POLR3B: variants seen among roughly 807,000 people sequenced by gnomAD.
POLR3B encodes RNA polymerase III subunit B.
In POLR3B, 96 loss-of-function variants were observed where a neutral mutation model predicts 147.4. The observed-to-expected ratio is 0.65, with a 90% CI of 0.55 to 0.77. POLR3B has a LOEUF of 0.77. Ranked by LOEUF, POLR3B falls within the 30% of genes least tolerant of loss-of-function variation. The probability of loss-of-function intolerance (pLI) is 0.00; values close to 1 mark genes in which losing one functional copy is unlikely to be tolerated. For missense variants in POLR3B, 1,036 were observed against 1,413.5 expected (o/e 0.73, Z 4.28); for synonymous variants, 461 against 485.9 (o/e 0.95, Z 0.67).
At chr12:106,478,774 A>G (rs1352147972) in intron 23 of POLR3B, among the ~76,000 whole-genome samples, 1 of 152,126 alleles carries the variant, frequency 6.6e-6, no homozygotes. Flanking sequence ...AAAAGGTCAA[A>G]CAGAACAAGA....
intron 6 of POLR3B, among the ~76,000 whole-genome samples, chr12:106,375,580 A>G (rs1435310689): frequency 2.0e-5 from 3 of 152,190 alleles, no homozygotes; most frequent in African/African-American, 7.2e-5. Context: ...CCCAGTAATT[A>G]TATCTTCAGC....
chr12:106,399,640 T>C (rs2037033592), intron 10 of POLR3B, among the ~76,000 whole-genome samples: 5 of 152,228 alleles, frequency 3.3e-5, no homozygotes, highest in South Asian at 4.1e-4. Context: ...CAGCAGAAAC[T>C]CTACAAGCCA....
chr12:106,434,841 C>T (rs776671914), intron 16 of POLR3B, among the ~76,000 whole-genome samples: 4 of 152,062 alleles, frequency 2.6e-5, no homozygotes, highest in Non-Finnish European at 5.9e-5. Context: ...CTGCCTGTCC[C>T]CATTGGCAGG....
chr12:106,366,315 C>T (rs185437179), intron 2 of POLR3B, among the ~76,000 whole-genome samples: 61 of 152,042 alleles, frequency 4.0e-4, no homozygotes, highest in African/African-American at 6.8e-4. Context: ...GCTAGTAAGA[C>T]GATGCAGAAA....
chr12:106,370,416 G>A (rs376559904), intron 6 of POLR3B, among the ~76,000 whole-genome samples: 2 of 152,076 alleles, frequency 1.3e-5, no homozygotes, highest in East Asian at 3.9e-4. Flanking sequence ...GGGAAGACAG[G>A]CATATGTAAT....
chr12:106,439,517 C>T (rs949956357), intron 18 of POLR3B, among the ~76,000 whole-genome samples: 4 of 151,802 alleles, frequency 2.6e-5, no homozygotes, highest in Admixed American at 6.6e-5. Flanking sequence ...TGGTGATGTA[C>T]GCCTGTAGTC....
At position 106,504,314 on chromosome 12, in the gene POLR3B, G is replaced by C; in HGVS notation, c.3272+60G>C. 1 of 1,373,558 alleles carries C rather than the reference G, an allele frequency of 7.3e-7. No homozygotes were observed. The highest frequency in any genetic ancestry group is 1.0e-6 in the Non-Finnish European group (1 of 960,658). 85.1% of individuals were successfully genotyped at this position (1,373,558 alleles called of 1,614,324 possible). A position where few individuals can be genotyped will look rare whatever the true frequency, so the allele number is the denominator to read the frequency against. ...CCTTGCCTCTTAAATCACAGCTCAAGAATTGACCCTGGATCCTATCCGCAT... is the reference window on the plus strand; with the variant it reads ...CCTTGCCTCTTAAATCACAGCTCAACAATTGACCCTGGATCCTATCCGCAT... On this transcript the variant is annotated intron_variant, in intron 27 of 27. Coordinates refer to ENST00000228347, the MANE Select transcript of POLR3B (RefSeq NM_018082.6). The surrounding 1 kb of genome is among the most constrained non-coding windows in gnomAD (Gnocchi z 4.6).
At chr12:106,415,600 G>A (rs2037291141) in intron 12 of POLR3B, among the ~76,000 whole-genome samples, 1 of 152,086 alleles carries the variant, frequency 6.6e-6, no homozygotes, top group Non-Finnish European at 1.5e-5. Context: ...GATACCACTG[G>A]CCTAGAATGA....
At chr12:106,484,444 G>A (rs565374558) in intron 23 of POLR3B, among the ~76,000 whole-genome samples, 80 of 152,102 alleles carry the variant, frequency 5.3e-4, no homozygotes, top group African/African-American at 1.3e-3. Context: ...CTGTTCTCCC[G>A]GGATTTGTGT....
At chr12:106,372,333 G>GT (rs61642813) in intron 6 of POLR3B, among the ~76,000 whole-genome samples, 100 of 125,936 alleles carry the variant, frequency 7.9e-4, no homozygotes, top group African/African-American at 1.5e-3. Context: ...GTGTGTGTGT[G>GT]TTTTTTTTTT....
rs2038745927 is a variant in POLR3B, at chr12:106,509,716, T to C, written c.*167T>C. On this transcript the variant is annotated 3_prime_UTR_variant, in exon 28 of 28. Coordinates refer to ENST00000228347, the MANE Select transcript of POLR3B (RefSeq NM_018082.6). The stretch of plus-strand genomic sequence containing the variant: ...GCTTTTTATATACTCTAAGACTGGC[T>C]AAACAACCTTGATCATTGAGCCTCG... 2 of 601,614 alleles carry C rather than the reference T, an allele frequency of 3.3e-6. No homozygotes were observed. The highest frequency in any genetic ancestry group is 5.9e-6 in the Non-Finnish European group (2 of 340,716). 37.3% of individuals were successfully genotyped at this position (601,614 alleles called of 1,614,324 possible). A position where few individuals can be genotyped will look rare whatever the true frequency, so the allele number is the denominator to read the frequency against.
chr12:106,463,380 AT>A, intron 22 of POLR3B, 97 bp from the exon 23 acceptor site: 1 of 1,042,750 alleles, frequency 9.6e-7, no homozygotes, highest in Non-Finnish European at 1.5e-6. Flanking sequence ...AAATGTCAGA[AT>A]ACTCTATGGT....
chr12:106,394,202 A>C (rs1372133263), intron 10 of POLR3B, among the ~76,000 whole-genome samples: 1 of 152,190 alleles, frequency 6.6e-6, no homozygotes, highest in Non-Finnish European at 1.5e-5. Flanking sequence ...ATAATTCCAA[A>C]GCACAAATCA....
intron 23 of POLR3B, among the ~76,000 whole-genome samples, chr12:106,486,337 G>A (rs1004164315): frequency 1.3e-5 from 2 of 150,520 alleles, no homozygotes; most frequent in African/African-American, 2.4e-5. Context: ...TTGAGGTTCA[G>A]GGGAGGTGAG....
At chr12:106,494,615 T>A (rs1201584917) in intron 23 of POLR3B, among the ~76,000 whole-genome samples, 1 of 152,182 alleles carries the variant, frequency 6.6e-6, no homozygotes, top group Non-Finnish European at 1.5e-5. Context: ...CCCTAGGGTT[T>A]TGTCAGATAA....
rs201465114 is a variant in POLR3B at position 106,496,788 on chromosome 12, G to A, written c.2854G>A (p.Gly952Ser). Residue 952 changes from glycine (G) to serine (S), a missense_variant, in exon 25 of 28, where the codon GGT (glycine) becomes AGT (serine). By Grantham distance (56) the Gly-to-Ser change is moderately conservative (BLOSUM62 0). Coordinates refer to ENST00000228347, the MANE Select transcript of POLR3B (RefSeq NM_018082.6). ...KLIELLAGKAGVLDGRFHYGT... is the reference protein window; with the variant it reads ...KLIELLAGKASVLDGRFHYGT... Reference sequence around the variant, plus strand: ...CATTGAGCTGCTGGCTGGCAAGGCCGGTGTGCTGGACGGCAGATTCCACTA... The same window carrying A: ...CATTGAGCTGCTGGCTGGCAAGGCCAGTGTGCTGGACGGCAGATTCCACTA... 1.7e-5 allele frequency: 28 copies of A among 1,614,134 alleles called. No homozygotes were observed. The highest frequency in any genetic ancestry group is 4.5e-5 in the East Asian group (2 of 44,872).
chr12:106,432,797 T>C (rs1365592029), intron 15 of POLR3B, among the ~76,000 whole-genome samples: 2 of 152,200 alleles, frequency 1.3e-5, no homozygotes, highest in African/African-American at 2.4e-5. Context: ...AAGTCAAATA[T>C]TGGAGTCATT....
At position 106,471,928 on chromosome 12, in the gene POLR3B, T is replaced by C. The variant is rs369657116; in HGVS notation, c.2713+8308T>C. Among the ~76,000 whole-genome samples the C allele has an allele frequency of 1.8e-4, 27 of 150,874 alleles. No homozygotes were observed. In the East Asian group the frequency reaches 3.9e-3, roughly 22 times the overall value. Reference sequence around the variant, plus strand: ...GCACATTGTGCAGGTTAGTTACATATGTATACATGTGCCATGCTGGTGCGC... The same window carrying C: ...GCACATTGTGCAGGTTAGTTACATACGTATACATGTGCCATGCTGGTGCGC... On this transcript the variant is annotated intron_variant, in intron 23 of 27. Transcript: ENST00000228347.
chr12:106,459,760 A>G (rs7299021), intron 22 of POLR3B, among the ~76,000 whole-genome samples: 2,469 of 152,342 alleles, frequency 0.016, 66 homozygotes, highest in African/African-American at 0.057. Context: ...TGGCCACAGC[A>G]TGGCATCACA....
Sources: gnomAD v4.1 joint callset for allele counts (sites outside exome capture counted in the v4.1 genomes callset) on GRCh38, gnomAD v4.1.1 for gene constraint, Gnocchi (gnomAD v3.1) non-coding constraint, MANE v1.5 for transcripts, NCBI Gene and HGNC (gene_info 2026-07-23, HGNC 2026-07-21) for gene names.